Variants in DPY19L1 observed in about 807,000 individuals in gnomAD.
DPY19L1 encodes the protein protein C-mannosyl-transferase DPY19L1.
DPY19L1 carries 35 observed loss-of-function variants against 96.9 expected under a neutral mutation model. The observed-to-expected ratio is 0.36, with a 90% CI of 0.28 to 0.48. The LOEUF (loss-of-function observed/expected upper bound fraction) is 0.48, where lower values mean the gene tolerates loss of function less well. Among genes scored for constraint, DPY19L1 ranks in the 20% least tolerant of loss-of-function variants. DPY19L1 has a pLI of 0.99. For missense variants in DPY19L1, 521 were observed against 777.9 expected, an observed-to-expected ratio of 0.67 and a Z score of 3.93; for synonymous variants, 205 against 252.6, an observed-to-expected ratio of 0.81 and a Z score of 1.79.
At chr7:35,004,172 C>A (rs1785497933) in intron 6 of DPY19L1, among the ~76,000 whole-genome samples, 1 of 152,220 alleles carries the variant, frequency 6.6e-6, no homozygotes, top group African/African-American at 2.4e-5. Flanking sequence ...TGGCTTGTCG[C>A]TTTAACCAGC....
Position 34,931,600 on chromosome 7 carries a change from G to A in DPY19L1, c.2220C>T (p.Tyr740=). Residue 740 remains tyrosine, a synonymous_variant, in exon 22 of 22, where the codon TAC becomes TAT. Coordinates refer to ENST00000638088, the MANE Select transcript of DPY19L1 (RefSeq NM_001366673.1). ...HFTTVFQNSV[Y]KVLEVVKE is the part of the protein sequence containing the mutation. ...ATTCTTTTACAACTTCTAGGACTTT[G>A]TAAACACTGTTCTGGAATACAGTGG... 6.4e-7 allele frequency: 1 copy of A among 1,550,480 alleles called. No individual in the cohort carries two copies. The highest frequency in any genetic ancestry group is 8.7e-7 in the Non-Finnish European group (1 of 1,153,918).
At chr7:34,950,224 C>G (rs1252461633) in intron 13 of DPY19L1, among the ~76,000 whole-genome samples, 1 of 152,158 alleles carries the variant, frequency 6.6e-6, no homozygotes, top group Non-Finnish European at 1.5e-5. Context: ...ACCAGCAGCT[C>G]TGGGCTTGGG....
At chr7:35,024,343 A>G (rs1786072169) in intron 1 of DPY19L1, among the ~76,000 whole-genome samples, 1 of 152,194 alleles carries the variant, frequency 6.6e-6, no homozygotes, top group African/African-American at 2.4e-5. Flanking sequence ...TTTCAAATCA[A>G]GCTTGACAAG....
At chr7:35,013,775 C>T in intron 3 of DPY19L1, 70 bp from the exon 4 acceptor site, 3 of 1,283,564 alleles carry the variant, frequency 2.3e-6, no homozygotes, top group Non-Finnish European at 3.2e-6. Context: ...TAAGTAAATA[C>T]ACTGTTTTTG....
At chr7:34,940,893 T>C (rs1783996537) in intron 18 of DPY19L1, 1 of 153,906 alleles carries the variant, frequency 6.5e-6, no homozygotes, top group African/African-American at 2.4e-5. Flanking sequence ...ACCAGCCTCC[T>C]TTCCTGTGCC....
intron 6 of DPY19L1, among the ~76,000 whole-genome samples, chr7:34,993,400 C>T (rs1785213904): frequency 6.6e-6 from 1 of 151,878 alleles, no homozygotes; most frequent in Admixed American, 6.6e-5. Context: ...TCTTACAATG[C>T]TAGACTCTGT....
chr7:34,995,050 T>C lies in DPY19L1; in HGVS notation c.765-5109A>G, dbSNP rs188162044. Among the ~76,000 whole-genome samples the C allele has an allele frequency of 7.9e-4, 121 of 152,296 alleles. 2 individuals are homozygous for C. In the East Asian group the frequency reaches 0.022, roughly 27 times the overall value. On this transcript the variant is annotated intron_variant, in intron 6 of 21. Coordinates refer to ENST00000638088, the MANE Select transcript of DPY19L1 (RefSeq NM_001366673.1). Reference sequence around the variant, plus strand: ...AACAAAAGAGGCCGATTTTTTTCTATACACTTTTGGGAACTGCAAAGCTAG... The same window carrying C: ...AACAAAAGAGGCCGATTTTTTTCTACACACTTTTGGGAACTGCAAAGCTAG...
intron 1 of DPY19L1, among the ~76,000 whole-genome samples, chr7:35,027,077 A>T (rs1462189337): frequency 6.6e-6 from 1 of 152,156 alleles, no homozygotes; most frequent in African/African-American, 2.4e-5. Flanking sequence ...AGCACCTGTA[A>T]TCCGAGCTGC....
chr7:34,957,146 G>A (rs1343186814), intron 11 of DPY19L1, among the ~76,000 whole-genome samples: 1 of 151,936 alleles, frequency 6.6e-6, no homozygotes, highest in Admixed American at 6.6e-5. Context: ...ACTTTGGGAG[G>A]CCGAGGTGGG....
chr7:34,955,491 CCA>C, intron 11 of DPY19L1, 124 bp from the exon 12 acceptor site: 2 of 1,230,034 alleles, frequency 1.6e-6, no homozygotes, highest in Non-Finnish European at 2.3e-6. Context: ...GGTTGACTTT[CCA>C]CATACCATCC....
At chr7:34,994,712 G>C (rs977102406) in intron 6 of DPY19L1, among the ~76,000 whole-genome samples, 1 of 151,888 alleles carries the variant, frequency 6.6e-6, no homozygotes, top group African/African-American at 2.4e-5. Context: ...GCTGAGGCAG[G>C]AGAATGGCGT....
chr7:34,998,644 G>C (rs1268820287), intron 6 of DPY19L1, among the ~76,000 whole-genome samples: 3 of 152,180 alleles, frequency 2.0e-5, no homozygotes, highest in Non-Finnish European at 2.9e-5. Flanking sequence ...AAAGCAACAA[G>C]ATGAAAGGAG....
intron 1 of DPY19L1, among the ~76,000 whole-genome samples, chr7:35,032,068 T>G (rs954001503): frequency 7.2e-4 from 109 of 152,290 alleles, no homozygotes; most frequent in African/African-American, 2.5e-3. Flanking sequence ...AATATGCTCT[T>G]TCTACTTGTT....
At chr7:34,932,351 G>T (rs1394513990) in intron 21 of DPY19L1, among the ~76,000 whole-genome samples, 1 of 152,016 alleles carries the variant, frequency 6.6e-6, no homozygotes, top group East Asian at 1.9e-4. Flanking sequence ...AAACATGCTA[G>T]GAACACTTAT....
At chr7:34,976,074 T>C (rs559085040) in intron 7 of DPY19L1, among the ~76,000 whole-genome samples, 116 of 152,352 alleles carry the variant, frequency 7.6e-4, no homozygotes, top group African/African-American at 2.7e-3. Context: ...TCAGGTCTTA[T>C]TATTTAAGAG....
At chr7:34,934,184 C>G (rs1009111692) in intron 21 of DPY19L1, among the ~76,000 whole-genome samples, 7 of 152,006 alleles carry the variant, frequency 4.6e-5, no homozygotes, top group African/African-American at 1.7e-4. Context: ...AAGATGGTCT[C>G]GATCTCCTGA....
chr7:35,009,638 T>C (rs773591817), intron 6 of DPY19L1, among the ~76,000 whole-genome samples: 33 of 152,212 alleles, frequency 2.2e-4, no homozygotes, highest in Non-Finnish European at 4.1e-4. Flanking sequence ...AAACAATATA[T>C]ACTGGATGGA....
intron 10 of DPY19L1, among the ~76,000 whole-genome samples, chr7:34,963,641 G>A (rs1784550021): frequency 6.6e-6 from 1 of 151,492 alleles, no homozygotes; most frequent in African/African-American, 2.4e-5. Context: ...GTGCACACGT[G>A]TGTACACACA....
chr7:34,931,795 C>T (rs1280424498), intron 21 of DPY19L1, 66 bp from the exon 22 acceptor site: 1 of 1,506,092 alleles, frequency 6.6e-7, no homozygotes, highest in African/African-American at 1.4e-5. Context: ...AAGCAGAGCA[C>T]TTCTTACATT....
Sources: allele counts gnomAD v4.1 joint callset (sites outside exome capture counted in the v4.1 genomes callset), GRCh38; gene constraint gnomAD v4.1.1; transcripts MANE v1.5; gene names NCBI Gene and HGNC (gene_info 2026-07-23, HGNC 2026-07-21).